Variants in LPP observed in about 807,000 individuals in gnomAD.
LPP encodes the protein LIM domain containing preferred translocation partner in lipoma, also known as lipoma-preferred partner.
In LPP, 38 loss-of-function variants were observed where a neutral mutation model predicts 60.4. The ratio of observed to expected loss-of-function variants is 0.63; its 90% CI spans 0.49 to 0.83. LPP has a LOEUF of 0.83. LPP is among the 40% of genes least tolerant of loss of function. The pLI is 0.00. For missense variants in LPP, 902 were observed against 783.6 expected (o/e 1.15, Z -1.80); for synonymous variants, 328 against 290.8 (o/e 1.13, Z -1.30).
chr3:188,344,371 C>T (rs1763797282), intron 3 of LPP, among the ~76,000 whole-genome samples: 1 of 152,118 alleles, frequency 6.6e-6, no homozygotes, highest in South Asian at 2.1e-4. Flanking sequence ...AATAGAATCA[C>T]ATTGTTTTTG....
intron 3 of LPP, among the ~76,000 whole-genome samples, chr3:188,362,504 T>C (rs1769762543): frequency 6.6e-6 from 1 of 152,208 alleles, no homozygotes; most frequent in South Asian, 2.1e-4. Flanking sequence ...TTCTCTTGTT[T>C]CCTGATACTT....
Position 188,632,410 on chromosome 3 carries a change from A to AG in LPP, c.1113+22567dup, listed in dbSNP as rs1161056943. ...ATAGGGCCTGGGTGGGGAGACTGGG[A>AG]GATGGAAAGGCATTCCAGTGTGCTG... is the stretch of plus-strand genomic sequence containing the variant. On this transcript the variant is annotated intron_variant, in intron 7 of 11. Coordinates refer to ENST00000617246, the MANE Select transcript of LPP (RefSeq NM_001375462.1). 3.9e-5 allele frequency among the ~76,000 whole-genome samples: 6 copies of AG among 152,294 alleles called. No homozygotes were observed. The South Asian group carries it at 1.2e-3, about 32-fold the overall frequency.
chr3:188,464,186 A>T (rs377579566), intron 4 of LPP, among the ~76,000 whole-genome samples: 2 of 152,318 alleles, frequency 1.3e-5, no homozygotes, highest in African/African-American at 4.8e-5. Flanking sequence ...AAGAAAACAC[A>T]TAAGTTAGAT....
intron 4 of LPP, among the ~76,000 whole-genome samples, chr3:188,475,783 G>A (rs1343634888): frequency 6.6e-6 from 1 of 152,090 alleles, no homozygotes; most frequent in African/African-American, 2.4e-5. Context: ...GGCGCCTGTA[G>A]TCCCAGCTAC....
chr3:188,547,586 CTG>C (rs1826988677), intron 6 of LPP, among the ~76,000 whole-genome samples: 1 of 152,174 alleles, frequency 6.6e-6, no homozygotes, highest in South Asian at 2.1e-4. Flanking sequence ...TTGCAATACA[CTG>C]TCTCTTTTTT....
chr3:188,541,300 T>G (rs1261295890), intron 6 of LPP, among the ~76,000 whole-genome samples: 1 of 152,186 alleles, frequency 6.6e-6, no homozygotes. Flanking sequence ...GCTCAATAAT[T>G]TGTATTTCAA....
At chr3:188,592,563 T>TTTTTTGG in intron 6 of LPP, among the ~76,000 whole-genome samples, 5 of 77,252 alleles carry the variant, frequency 6.5e-5, no homozygotes, top group East Asian at 4.0e-4. Context: ...TTTTGTTTTT[T>TTTTTTGG]AAATGGAGTC....
At chr3:188,269,769 G>A (rs57642902) in intron 2 of LPP, among the ~76,000 whole-genome samples, 1 of 151,712 alleles carries the variant, frequency 6.6e-6, no homozygotes, top group African/African-American at 2.4e-5. Context: ...TCCTGCCTCA[G>A]GCTTCCCAGT....
chr3:188,317,586 A>T (rs1755462364), intron 2 of LPP, among the ~76,000 whole-genome samples: 1 of 152,220 alleles, frequency 6.6e-6, no homozygotes, highest in African/African-American at 2.4e-5. Context: ...ACTGTAAATT[A>T]AGAGGATTCA....
chr3:188,877,440 C>T lies in LPP; in HGVS notation c.*2961C>T, dbSNP rs571465500. ...AGACATGGAAAAGGAAAAAAATCCA[C>T]TATATCATGGGCTCTGCAGAACATA... On this transcript the variant is annotated 3_prime_UTR_variant, in exon 12 of 12. Coordinates refer to ENST00000617246, the MANE Select transcript of LPP (RefSeq NM_001375462.1). The T allele has an allele frequency of 5.4e-6, 1 of 186,586 alleles. No homozygotes were observed. Among genetic ancestry groups the T allele is most frequent in the African/African-American group, 2.3e-5 (1 of 42,812 alleles). The allele number at this position is 186,586 out of a possible 1,614,324, so 11.6% of individuals were successfully genotyped here.
intron 3 of LPP, among the ~76,000 whole-genome samples, chr3:188,356,273 A>G (rs560188990): frequency 1.3e-5 from 2 of 152,318 alleles, no homozygotes; most frequent in East Asian, 1.9e-4. Context: ...AGGGCAACAT[A>G]GTTTCTTTCG....
rs1405334968 is a variant in LPP, at chr3:188,471,352, C to T, written c.194-13240C>T. On this transcript the variant is annotated intron_variant, in intron 4 of 11. Transcript: ENST00000617246. ...AGTTGTATCAAATACATTGGAAAAA[C>T]CTGGGTCAGGAAGAATGTTGACTAT... 2.0e-5 allele frequency among the ~76,000 whole-genome samples: 3 copies of T among 152,038 alleles called. No individual in the cohort carries two copies. The East Asian group carries it at 5.8e-4, about 29-fold the overall frequency.
intron 2 of LPP, among the ~76,000 whole-genome samples, chr3:188,290,582 G>A (rs533671260): frequency 1.3e-5 from 2 of 151,884 alleles, no homozygotes; most frequent in Non-Finnish European, 2.9e-5. Context: ...GTTTAGGACT[G>A]TTCATGTTCC....
At chr3:188,794,570 A>G (rs992586930) in intron 9 of LPP, among the ~76,000 whole-genome samples, 1 of 152,172 alleles carries the variant, frequency 6.6e-6, no homozygotes, top group Non-Finnish European at 1.5e-5. Context: ...TCCTTGTGTT[A>G]GAAAAACGAT....
intron 6 of LPP, among the ~76,000 whole-genome samples, chr3:188,592,838 C>T (rs980406341): frequency 3.3e-5 from 5 of 152,080 alleles, no homozygotes; most frequent in East Asian, 1.9e-4. Flanking sequence ...CTGTACCCGG[C>T]GTATCATTGT....
chr3:188,440,224 GCTAA>G (rs1793434146), intron 4 of LPP, among the ~76,000 whole-genome samples: 1 of 152,150 alleles, frequency 6.6e-6, no homozygotes, highest in Admixed American at 6.5e-5. Flanking sequence ...TTTGGTAAAT[GCTAA>G]CTGTGTGTGA....
chr3:188,329,053 C>T (rs1230216866), intron 2 of LPP, among the ~76,000 whole-genome samples: 2 of 152,110 alleles, frequency 1.3e-5, no homozygotes, highest in East Asian at 1.9e-4. Context: ...TAAATTTCAA[C>T]ACAGGGAAAC....
chr3:188,613,297 T>TCTATATCTATATCTATAC (rs1560643842), intron 7 of LPP, among the ~76,000 whole-genome samples: 4 of 140,672 alleles, frequency 2.8e-5, no homozygotes, highest in Admixed American at 7.0e-5. Context: ...TATATCTATA[T>TCTATATCTATATCTATAC]CTATATCTAT....
intron 1 of LPP, among the ~76,000 whole-genome samples, chr3:188,166,394 C>T (rs1397513049): frequency 6.6e-6 from 1 of 152,156 alleles, no homozygotes; most frequent in Non-Finnish European, 1.5e-5. Flanking sequence ...AATTAATGCT[C>T]ACTCATGTGG....
Sources: gnomAD v4.1 joint callset for allele counts (sites outside exome capture counted in the v4.1 genomes callset) on GRCh38, gnomAD v4.1.1 for gene constraint, MANE v1.5 for transcripts, NCBI Gene and HGNC (gene_info 2026-07-23, HGNC 2026-07-21) for gene names.